The following EYS variants were observed in gnomAD, a reference collection of about 807,000 sequenced individuals.
The protein encoded by EYS is EGF-like photoreceptor maintenance factor.
A neutral mutation model predicts 282.1 loss-of-function variants in EYS; 250 were observed. The observed-to-expected ratio is 0.89, with a 90% CI of 0.80 to 0.98. EYS has a LOEUF of 0.98. Among genes scored for constraint, EYS ranks in the 50% least tolerant of loss-of-function variants. The pLI is 0.00. For synonymous variants in EYS, 1,355 were observed against 1,282.9 expected, an observed-to-expected ratio of 1.06 and a Z score of -1.20; for missense variants, 4,016 against 3,709.0, an observed-to-expected ratio of 1.08 and a Z score of -2.15.
At chr6:64,404,838 G>A (rs868078749) in intron 28 of EYS, among the ~76,000 whole-genome samples, 1 of 152,006 alleles carries the variant, frequency 6.6e-6, no homozygotes, top group African/African-American at 2.4e-5. Context: ...AAAGTTCTTG[G>A]GGGCAGAACG....
At chr6:64,175,674 G>A (rs1281070977) in intron 31 of EYS, among the ~76,000 whole-genome samples, 1 of 152,176 alleles carries the variant, frequency 6.6e-6, no homozygotes, top group Non-Finnish European at 1.5e-5. Context: ...CCAGGGAATA[G>A]TAGGTAAGAC....
intron 14 of EYS, among the ~76,000 whole-genome samples, chr6:64,946,827 CG>C (rs1562270809): frequency 1.3e-5 from 2 of 151,798 alleles, no homozygotes. Flanking sequence ...TATTTACTTT[CG>C]GTTGAAATGG....
chr6:64,030,299 C>G (rs1769759210), intron 33 of EYS, among the ~76,000 whole-genome samples: 1 of 152,128 alleles, frequency 6.6e-6, no homozygotes, highest in African/African-American at 2.4e-5. Context: ...AACAGTGTAC[C>G]CTACTCCTTT....
At chr6:64,267,676 C>G (rs1037172091) in intron 30 of EYS, among the ~76,000 whole-genome samples, 1 of 151,910 alleles carries the variant, frequency 6.6e-6, no homozygotes, top group Admixed American at 6.6e-5. Flanking sequence ...ATAAATTTGA[C>G]TAAATAAAAA....
intron 35 of EYS, among the ~76,000 whole-genome samples, chr6:63,891,146 T>A (rs1034705152): frequency 2.6e-5 from 4 of 152,198 alleles, no homozygotes; most frequent in Non-Finnish European, 4.4e-5. Context: ...CACGGCCGAA[T>A]TCTACCAGAG....
intron 31 of EYS, among the ~76,000 whole-genome samples, chr6:64,153,718 T>C (rs1774819481): frequency 2.6e-5 from 4 of 152,252 alleles, no homozygotes. Flanking sequence ...TCCAAGCTAC[T>C]ATGAAGAGCA....
chr6:64,950,523 T>C lies in EYS; in HGVS notation c.2260-4609A>G, dbSNP rs190192931. ...AATGTATTTAAAATACATTATATAG[T>C]TTGAGCTGGAAATATGCCAGAAATG... On this transcript the variant is annotated intron_variant, in intron 14 of 42. Transcript: ENST00000503581. Among the ~76,000 whole-genome samples, 798 of 151,532 alleles carry C rather than the reference T, an allele frequency of 5.3e-3. 9 individuals are homozygous for C. The South Asian group carries it at 0.06, about 11-fold the overall frequency.
intron 31 of EYS, among the ~76,000 whole-genome samples, chr6:64,160,964 G>A (rs895585069): frequency 6.6e-6 from 1 of 151,990 alleles, no homozygotes; most frequent in Non-Finnish European, 1.5e-5. Context: ...GTATCCTGGG[G>A]GCTAAAAGCC....
chr6:64,847,627 C>T (rs11752563), intron 19 of EYS, among the ~76,000 whole-genome samples: 6,197 of 152,056 alleles, frequency 0.041, 163 homozygotes, highest in East Asian at 0.1. Flanking sequence ...CACTACAACC[C>T]AACAGTGTTT....
intron 28 of EYS, among the ~76,000 whole-genome samples, chr6:64,390,513 C>G (rs575732753): frequency 6.6e-6 from 1 of 151,404 alleles, no homozygotes; most frequent in Non-Finnish European, 1.5e-5. Flanking sequence ...AGCAGGGGCA[C>G]ACTGACACCT....
intron 22 of EYS, among the ~76,000 whole-genome samples, chr6:64,634,601 G>A (rs961318907): frequency 1.3e-5 from 2 of 151,006 alleles, no homozygotes; most frequent in African/African-American, 4.9e-5. Flanking sequence ...TTGAAGTGTG[G>A]TATAGTCAAT....
At chr6:64,525,543 G>C (rs1308008885) in intron 26 of EYS, among the ~76,000 whole-genome samples, 2 of 151,598 alleles carry the variant, frequency 1.3e-5, no homozygotes, top group Non-Finnish European at 1.5e-5. Flanking sequence ...TGGGAGGAAG[G>C]AGAGGATCAG....
At chr6:64,766,894 G>T (rs1051045563) in intron 22 of EYS, among the ~76,000 whole-genome samples, 1 of 151,170 alleles carries the variant, frequency 6.6e-6, no homozygotes, top group African/African-American at 2.4e-5. Context: ...AGAATAATTT[G>T]TTTATAGTGA....
intron 31 of EYS, among the ~76,000 whole-genome samples, chr6:64,087,675 A>G (rs987824783): frequency 3.9e-5 from 6 of 152,162 alleles, no homozygotes; most frequent in African/African-American, 1.4e-4. Context: ...GTTTGAAAAC[A>G]AAAATCAGAA....
chr6:64,172,389 G>A (rs1764504593), intron 31 of EYS, among the ~76,000 whole-genome samples: 1 of 152,052 alleles, frequency 6.6e-6, no homozygotes, highest in African/African-American at 2.4e-5. Context: ...ATTTTCCTGT[G>A]CCCCTAGCCC....
intron 36 of EYS, among the ~76,000 whole-genome samples, chr6:63,827,863 A>ATAAT (rs1771517576): frequency 6.7e-6 from 1 of 148,340 alleles, no homozygotes; most frequent in East Asian, 2.0e-4. Flanking sequence ...AAAAAAAAAA[A>ATAAT]AAAAAAAAGA....
At chr6:64,830,558 G>C (rs1320172958) in intron 19 of EYS, among the ~76,000 whole-genome samples, 1 of 151,928 alleles carries the variant, frequency 6.6e-6, no homozygotes, top group Non-Finnish European at 1.5e-5. Flanking sequence ...ATATTTTCTA[G>C]CCAAGGATGA....
At chr6:65,437,643 T>G (rs561700326) in intron 5 of EYS, among the ~76,000 whole-genome samples, 1 of 152,176 alleles carries the variant, frequency 6.6e-6, no homozygotes, top group Non-Finnish European at 1.5e-5. Flanking sequence ...AAGAACTGTA[T>G]AGAAGAATCT....
chr6:64,970,183 T>A (rs1770242376), intron 14 of EYS, among the ~76,000 whole-genome samples: 1 of 151,214 alleles, frequency 6.6e-6, no homozygotes, highest in South Asian at 2.1e-4. Context: ...AGAAATGTAA[T>A]GAATGCATAA....
Sources: allele counts gnomAD v4.1 joint callset (sites outside exome capture counted in the v4.1 genomes callset), GRCh38; gene constraint gnomAD v4.1.1; transcripts MANE v1.5; gene names NCBI Gene and HGNC (gene_info 2026-07-23, HGNC 2026-07-21).